CNBD1: variants seen among roughly 807,000 people sequenced by gnomAD.
The protein encoded by CNBD1 is cyclic nucleotide-binding domain-containing protein 1.
Under a neutral mutation model 54.4 loss-of-function variants are expected in CNBD1, and 71 were observed. That is an observed-to-expected ratio of 1.30 (90% CI 1.08 to 1.59). The LOEUF (loss-of-function observed/expected upper bound fraction) is 1.59. Among genes scored for constraint, CNBD1 ranks in the 40% most tolerant of loss-of-function variants. CNBD1 has a pLI of 0.00. For synonymous variants in CNBD1, 182 were observed against 170.7 expected (o/e 1.07, Z -0.51); for missense variants, 659 against 518.0 (o/e 1.27, Z -2.64).
chr8:87,195,888 A>G, intron 4 of CNBD1, among the ~76,000 whole-genome samples: 1 of 152,156 alleles, frequency 6.6e-6, no homozygotes, highest in East Asian at 1.9e-4. Flanking sequence ...ATTGCTTCTT[A>G]TAGCATACTT....
intron 4 of CNBD1, among the ~76,000 whole-genome samples, chr8:87,024,020 G>A (rs1389437826): frequency 9.9e-5 from 15 of 152,012 alleles, no homozygotes; most frequent in African/African-American, 3.4e-4. Context: ...GGTGGATCAC[G>A]AGGTCTGGAG....
intron 2 of CNBD1, among the ~76,000 whole-genome samples, chr8:87,395,607 G>A (rs575729768): frequency 1.3e-5 from 2 of 151,890 alleles, no homozygotes; most frequent in South Asian, 2.1e-4. Context: ...TATTATGAAG[G>A]CTAATGATCA....
intron 4 of CNBD1, among the ~76,000 whole-genome samples, chr8:87,008,377 A>G (rs1224744571): frequency 1.3e-5 from 2 of 152,214 alleles, no homozygotes; most frequent in African/African-American, 4.8e-5. Context: ...GGAAGTGAAT[A>G]TCACAGTACT....
rs547060478 is a variant in CNBD1, at chr8:87,172,014, G to A, written c.432-33979G>A. Among the ~76,000 whole-genome samples, 4 of 152,038 alleles carry A rather than the reference G, an allele frequency of 2.6e-5. No individual in the cohort carries two copies. In the East Asian group the frequency reaches 7.7e-4, roughly 29 times the overall value. ...ACTTTCACTGTATCCCAAAGGTTTT[G>A]TGTGTTGTGTTTCCATTATCATTTG... On this transcript the variant is annotated intron_variant, in intron 4 of 10. Coordinates refer to ENST00000518476, the MANE Select transcript of CNBD1 (RefSeq NM_173538.3).
intron 4 of CNBD1, among the ~76,000 whole-genome samples, chr8:86,956,410 A>C (rs967027873): frequency 1.3e-5 from 2 of 152,152 alleles, no homozygotes; most frequent in Non-Finnish European, 2.9e-5. Context: ...GAATCTATAA[A>C]TTACCTTGGG....
intron 4 of CNBD1, among the ~76,000 whole-genome samples, chr8:87,200,995 C>T (rs1813847663): frequency 6.6e-6 from 1 of 152,006 alleles, no homozygotes; most frequent in Non-Finnish European, 1.5e-5. Context: ...TGCAAATATT[C>T]TCAACAAAAT....
intron 4 of CNBD1, among the ~76,000 whole-genome samples, chr8:87,076,286 T>A (rs1255922576): frequency 2.0e-5 from 3 of 152,206 alleles, no homozygotes; most frequent in Admixed American, 1.3e-4. Flanking sequence ...TCACAACCTA[T>A]ATCTGGATGA....
At position 87,316,955 on chromosome 8, in the gene CNBD1, T is replaced by G. The variant is rs115024431; in HGVS notation, c.1042+30284T>G. On this transcript the variant is annotated intron_variant, in intron 8 of 10. Transcript: ENST00000518476. ...TTAAGAAGTCACAAGTACTCAAGTTTGAAGTCTAGTTGTATTATGTCCTAT... is the reference window on the plus strand; with the variant it reads ...TTAAGAAGTCACAAGTACTCAAGTTGGAAGTCTAGTTGTATTATGTCCTAT... Among the ~76,000 whole-genome samples, 961 of 151,938 alleles carry G rather than the reference T, an allele frequency of 6.3e-3. 9 individuals carry two copies. Among genetic ancestry groups the G allele is most frequent in the African/African-American group, 0.022 (901 of 41,536 alleles).
chr8:86,867,088 T>C (rs373560069), intron 1 of CNBD1, among the ~76,000 whole-genome samples: 43 of 152,050 alleles, frequency 2.8e-4, no homozygotes, highest in African/African-American at 9.9e-4. Context: ...TTTCTAGTCT[T>C]ACTTATAAGA....
chr8:86,950,725 G>C (rs918600018), intron 4 of CNBD1, among the ~76,000 whole-genome samples: 1 of 152,034 alleles, frequency 6.6e-6, no homozygotes, highest in African/African-American at 2.4e-5. Flanking sequence ...TGGTACTAGT[G>C]CTTCTTTAAA....
At position 86,939,637 on chromosome 8, in the gene CNBD1, C is replaced by A; in HGVS notation, c.314C>A (p.Pro105His). The A allele has an allele frequency of 6.3e-7, 1 of 1,599,130 alleles. No homozygotes were observed. Among genetic ancestry groups the A allele is most frequent in the Non-Finnish European group, 8.5e-7 (1 of 1,173,718 alleles). Reference sequence around the variant, plus strand: ...AAAGAGGAAAGTCAACATCAACAACCTGATGATTCTAACAATATAGCTGTC... The same window carrying A: ...AAAGAGGAAAGTCAACATCAACAACATGATGATTCTAACAATATAGCTGTC... ...EGKEESQHQQ[P>H]DDSNNIAVHV... Residue 105 changes from proline to histidine, a missense_variant, in exon 4 of 11, where the codon CCT becomes CAT. Pro to His is a moderately conservative substitution (Grantham distance 77, BLOSUM62 -2). Transcript: ENST00000518476.
intron 6 of CNBD1, among the ~76,000 whole-genome samples, chr8:87,244,292 T>C (rs769605627): frequency 6.6e-6 from 1 of 152,184 alleles, no homozygotes; most frequent in Non-Finnish European, 1.5e-5. Flanking sequence ...CAATCAGCTA[T>C]GCATCTATCT....
chr8:87,103,824 G>A (rs1811478932), intron 4 of CNBD1, among the ~76,000 whole-genome samples: 1 of 152,150 alleles, frequency 6.6e-6, no homozygotes, highest in African/African-American at 2.4e-5. Flanking sequence ...AAATGGATCT[G>A]AAAGTAAAAG....
intron 6 of CNBD1, among the ~76,000 whole-genome samples, chr8:87,280,052 A>G (rs973397828): frequency 3.3e-5 from 5 of 151,598 alleles, no homozygotes; most frequent in African/African-American, 4.8e-5. Flanking sequence ...GAAAATTTCT[A>G]TTTAAGCATA....
intron 4 of CNBD1, among the ~76,000 whole-genome samples, chr8:86,984,047 G>A (rs573110893): frequency 4.6e-5 from 7 of 152,256 alleles, no homozygotes; most frequent in South Asian, 4.2e-4. Flanking sequence ...AGAAAAAAAC[G>A]GTTTCATGGG....
intron 4 of CNBD1, among the ~76,000 whole-genome samples, chr8:87,036,293 A>G (rs970007395): frequency 6.6e-6 from 1 of 152,222 alleles, no homozygotes; most frequent in African/African-American, 2.4e-5. Context: ...TATTATTTTT[A>G]CAGAGTAAAG....
chr8:87,392,134 T>A (rs6987603), intron 2 of CNBD1, among the ~76,000 whole-genome samples: 85,854 of 151,810 alleles, frequency 0.57, 25,825 homozygotes, highest in African/African-American at 0.77. Flanking sequence ...TTTTGAAAAA[T>A]TATAAAATAT....
chr8:87,116,974 T>A (rs1811785152), intron 4 of CNBD1, among the ~76,000 whole-genome samples: 1 of 152,208 alleles, frequency 6.6e-6, no homozygotes, highest in Non-Finnish European at 1.5e-5. Flanking sequence ...CCAGAACTTT[T>A]GAGGGCAGAC....
chr8:87,218,905 T>C (rs1017972762), intron 5 of CNBD1, among the ~76,000 whole-genome samples: 3 of 151,968 alleles, frequency 2.0e-5, no homozygotes, highest in Non-Finnish European at 4.4e-5. Context: ...CATTAACTTT[T>C]TAAACAATAT....
Sources: allele counts gnomAD v4.1 joint callset (sites outside exome capture counted in the v4.1 genomes callset), GRCh38; gene constraint gnomAD v4.1.1; transcripts MANE v1.5; gene names NCBI Gene and HGNC (gene_info 2026-07-23, HGNC 2026-07-21).